Variants in TRPS1 observed in about 807,000 individuals in gnomAD.
The protein encoded by TRPS1 is transcriptional repressor GATA binding 1.
A neutral mutation model predicts 101.2 loss-of-function variants in TRPS1; 6 were observed. The observed-to-expected ratio is 0.06, with a 90% CI of 0.03 to 0.12. TRPS1 has a LOEUF of 0.12. Ranked by LOEUF, TRPS1 falls within the 10% of genes least tolerant of loss-of-function variation. The pLI is 1.00. For missense variants in TRPS1, 1,363 were observed against 1,567.0 expected, an observed-to-expected ratio of 0.87 and a Z score of 2.20; for synonymous variants, 578 against 589.8, an observed-to-expected ratio of 0.98 and a Z score of 0.29.
chr8:115,421,968 T>C (rs1475651339), intron 5 of TRPS1, among the ~76,000 whole-genome samples: 1 of 152,186 alleles, frequency 6.6e-6, no homozygotes, highest in Non-Finnish European at 1.5e-5. Context: ...AAAGCTTGGC[T>C]TTAACTTAAA....
At chr8:115,471,388 CACTT>C (rs1217777637) in intron 5 of TRPS1, among the ~76,000 whole-genome samples, 1 of 152,128 alleles carries the variant, frequency 6.6e-6, no homozygotes, top group African/African-American at 2.4e-5. Context: ...TGTGAGAACT[CACTT>C]ACTATCATGA....
chr8:115,591,024 G>T (rs1233896933), intron 4 of TRPS1, among the ~76,000 whole-genome samples: 1 of 151,722 alleles, frequency 6.6e-6, no homozygotes, highest in Non-Finnish European at 1.5e-5. Context: ...TTTAGGACAT[G>T]GCCCAGTAGA....
chr8:115,507,346 G>C (rs1815471528), intron 5 of TRPS1, among the ~76,000 whole-genome samples: 1 of 152,040 alleles, frequency 6.6e-6, no homozygotes, highest in Non-Finnish European at 1.5e-5. Flanking sequence ...TCCCCAAACA[G>C]CCTAATCTTT....
At chr8:115,659,528 G>T (rs1293367633) in intron 1 of TRPS1, among the ~76,000 whole-genome samples, 1 of 151,828 alleles carries the variant, frequency 6.6e-6, no homozygotes, top group Non-Finnish European at 1.5e-5. Flanking sequence ...AGATGAATAT[G>T]TATTGAAAAA....
At chr8:115,555,656 A>G (rs1359288141) in intron 5 of TRPS1, among the ~76,000 whole-genome samples, 1 of 152,122 alleles carries the variant, frequency 6.6e-6, no homozygotes, top group African/African-American at 2.4e-5. Flanking sequence ...TATGCAAGCC[A>G]GTCGCCAGCA....
chr8:115,530,049 C>T (rs1391793026), intron 5 of TRPS1, among the ~76,000 whole-genome samples: 9 of 152,016 alleles, frequency 5.9e-5, no homozygotes, highest in Non-Finnish European at 1.2e-4. Context: ...ATATTTTCCT[C>T]CCAATCTGAA....
chr8:115,494,293 G>A (rs1187427096), intron 5 of TRPS1, among the ~76,000 whole-genome samples: 4 of 152,082 alleles, frequency 2.6e-5, no homozygotes, highest in African/African-American at 4.8e-5. Flanking sequence ...ACTTTGTTTC[G>A]TGGGCCTCTT....
At chr8:115,601,296 G>A (rs774052477) in intron 4 of TRPS1, among the ~76,000 whole-genome samples, 11 of 152,072 alleles carry the variant, frequency 7.2e-5, no homozygotes, top group Admixed American at 2.6e-4. Context: ...AAGATACTAC[G>A]TGATAAGGTA....
chr8:115,479,933 TC>T (rs1478600028), intron 5 of TRPS1, among the ~76,000 whole-genome samples: 3 of 152,004 alleles, frequency 2.0e-5, no homozygotes, highest in Non-Finnish European at 4.4e-5. Context: ...GCTTCACAAT[TC>T]CCAGGTAGTA....
At chr8:115,508,963 T>C (rs1162759271) in intron 5 of TRPS1, among the ~76,000 whole-genome samples, 2 of 152,002 alleles carry the variant, frequency 1.3e-5, no homozygotes, top group African/African-American at 4.8e-5. Flanking sequence ...TGTTTTGAAT[T>C]GTGAGTTTAT....
chr8:115,583,766 C>T (rs949759822), intron 5 of TRPS1, among the ~76,000 whole-genome samples: 1 of 151,880 alleles, frequency 6.6e-6, no homozygotes, highest in African/African-American at 2.4e-5. Flanking sequence ...GAGGCATATG[C>T]AACTGAAAAT....
intron 5 of TRPS1, among the ~76,000 whole-genome samples, chr8:115,536,396 G>C (rs982374250): frequency 7.3e-5 from 11 of 151,706 alleles, no homozygotes; most frequent in African/African-American, 2.4e-4. Context: ...GGTGGCGGGC[G>C]CCTGTAGTCC....
intron 5 of TRPS1, among the ~76,000 whole-genome samples, chr8:115,517,696 C>G (rs1459826994): frequency 6.6e-6 from 1 of 151,652 alleles, no homozygotes; most frequent in East Asian, 1.9e-4. Context: ...GCATCCTACC[C>G]ATGTTAAAGT....
chr8:115,440,614 T>C (rs927179291), intron 5 of TRPS1, among the ~76,000 whole-genome samples: 2 of 152,258 alleles, frequency 1.3e-5, no homozygotes, highest in African/African-American at 4.8e-5. Context: ...GAAAATGTCC[T>C]GGTGTTTCCT....
intron 5 of TRPS1, among the ~76,000 whole-genome samples, chr8:115,449,345 A>G (rs1813811744): frequency 6.6e-6 from 1 of 152,202 alleles, no homozygotes; most frequent in Non-Finnish European, 1.5e-5. Flanking sequence ...AAAACCTATG[A>G]TGCAATCTCA....
intron 1 of TRPS1, among the ~76,000 whole-genome samples, chr8:115,665,239 T>C (rs1048447787): frequency 5.9e-5 from 9 of 152,194 alleles, no homozygotes; most frequent in African/African-American, 1.2e-4. Flanking sequence ...CTTTCAGTAA[T>C]GTTTATTTAC....
intron 5 of TRPS1, among the ~76,000 whole-genome samples, chr8:115,540,346 T>C (rs936411590): frequency 6.6e-6 from 1 of 152,112 alleles, no homozygotes; most frequent in South Asian, 2.1e-4. Flanking sequence ...ACAGAAAAAC[T>C]CAAAACAAGC....
chr8:115,450,209 A>T (rs1035627201), intron 5 of TRPS1, among the ~76,000 whole-genome samples: 4 of 152,178 alleles, frequency 2.6e-5, no homozygotes, highest in Non-Finnish European at 2.9e-5. Context: ...TCTGAAATTT[A>T]TTTCTTGCAC....
intron 3 of TRPS1, among the ~76,000 whole-genome samples, chr8:115,613,084 A>C (rs969955824): frequency 6.6e-6 from 1 of 152,164 alleles, no homozygotes. Flanking sequence ...TAAATTCCTA[A>C]AACAAAGTCC....
Sources: gnomAD v4.1 joint callset for allele counts (sites outside exome capture counted in the v4.1 genomes callset) on GRCh38, gnomAD v4.1.1 for gene constraint, MANE v1.5 for transcripts, NCBI Gene and HGNC (gene_info 2026-07-23, HGNC 2026-07-21) for gene names.